The following ERICH1 variants were observed in gnomAD, a reference collection of about 807,000 sequenced individuals.
ERICH1 encodes glutamate-rich protein 1.
A neutral mutation model predicts 39.6 loss-of-function variants in ERICH1; 56 were observed. The observed-to-expected ratio is 1.41, with a 90% CI of 1.14 to 1.77. The LOEUF (loss-of-function observed/expected upper bound fraction) is 1.77. Ranked by LOEUF, ERICH1 falls within the 40% of genes most tolerant of loss-of-function variation. The pLI is 0.00. For missense variants in ERICH1, 826 were observed against 575.4 expected (o/e 1.44, Z -4.45); for synonymous variants, 313 against 223.6 (o/e 1.40, Z -3.57).
chr8:665,175 C>T (rs1801996340), intron 5 of ERICH1, among the ~76,000 whole-genome samples: 1 of 149,804 alleles, frequency 6.7e-6, no homozygotes, highest in Non-Finnish European at 1.5e-5. Context: ...ACACCACAAT[C>T]GCGATGCCAC....
chr8:688,018 C>T (rs1807889319), intron 3 of ERICH1, among the ~76,000 whole-genome samples: 1 of 152,122 alleles, frequency 6.6e-6, no homozygotes, highest in African/African-American at 2.4e-5. Context: ...CCCCAGCTCC[C>T]GCCGAGGCCC....
chr8:631,611 C>A (rs996391198), intron 3 of ERICH1, among the ~76,000 whole-genome samples: 1 of 152,078 alleles, frequency 6.6e-6, no homozygotes, highest in Admixed American at 6.6e-5. Context: ...GGGGCAATGC[C>A]GAGAGTTTTT....
At chr8:691,072 T>G (rs1808788935) in intron 3 of ERICH1, 1 of 152,304 alleles carries the variant, frequency 6.6e-6, no homozygotes, top group South Asian at 2.1e-4. Context: ...AAGGCTGTGC[T>G]TGGGGCTTGC....
downstream of ERICH1, among the ~76,000 whole-genome samples, chr8:663,675 C>T (rs553728238): frequency 3.3e-5 from 5 of 152,208 alleles, no homozygotes; most frequent in South Asian, 1.0e-3. Flanking sequence ...CTAAAATGAG[C>T]TGTATGTATG....
At chr8:679,300 C>A (rs1252387634) in intron 3 of ERICH1, among the ~76,000 whole-genome samples, 1 of 150,244 alleles carries the variant, frequency 6.7e-6, no homozygotes, top group African/African-American at 2.5e-5. Context: ...CAGCAAGTGA[C>A]CCCTCACGGC....
In ERICH1 at chr8:692,562, G is replaced by A; in HGVS notation, c.220C>T (p.Pro74Ser). Reference sequence around the variant, plus strand: ...CAACAGGGGACGTAGCCCTCAGGAGGCCCGCTGGCAGTGTAGAGCCGTCGG... The same window carrying A: ...CAACAGGGGACGTAGCCCTCAGGAGACCCGCTGGCAGTGTAGAGCCGTCGG... ...TARRLYTASG[P>S]PEGYVPCWPE... Residue 74 changes from proline to serine, a missense_variant, in exon 3 of 6, where the codon CCT becomes TCT. Coordinates refer to ENST00000262109, the MANE Select transcript of ERICH1 (RefSeq NM_207332.3). 1 of 1,613,320 alleles carries A rather than the reference G, an allele frequency of 6.2e-7. No homozygotes were observed. Among genetic ancestry groups the A allele is most frequent in the Non-Finnish European group, 8.5e-7 (1 of 1,179,700 alleles).
intron 2 of ERICH1, among the ~76,000 whole-genome samples, chr8:694,336 A>G (rs890512561): frequency 3.9e-5 from 6 of 152,252 alleles, no homozygotes; most frequent in African/African-American, 1.4e-4. Flanking sequence ...TACTGGGTAA[A>G]TCAACATTTG....
At chr8:708,095 C>A (rs1046421408) in intron 2 of ERICH1, among the ~76,000 whole-genome samples, 4 of 151,482 alleles carry the variant, frequency 2.6e-5, no homozygotes, top group Non-Finnish European at 5.9e-5. Context: ...TACCACTTCA[C>A]ACCTCCTAGG....
At chr8:642,011 C>G (rs1325876202) in intron 3 of ERICH1, among the ~76,000 whole-genome samples, 1 of 152,214 alleles carries the variant, frequency 6.6e-6, no homozygotes, top group Non-Finnish European at 1.5e-5. Flanking sequence ...CAGTGGGAGA[C>G]CATGTATGAA....
chr8:691,279 G>C (rs1808839054), intron 3 of ERICH1, among the ~76,000 whole-genome samples: 17 of 152,232 alleles, frequency 1.1e-4, no homozygotes. Flanking sequence ...AGCTTGTGAA[G>C]AGAAATGCCT....
intron 2 of ERICH1, among the ~76,000 whole-genome samples, chr8:699,315 G>A (rs1811119408): frequency 6.6e-6 from 1 of 152,152 alleles, no homozygotes; most frequent in Admixed American, 6.5e-5. Flanking sequence ...CCAGAGGGCT[G>A]GACAGAAGAG....
chr8:627,044 C>G (rs191140316), intron 3 of ERICH1: 2 of 448,446 alleles, frequency 4.5e-6, no homozygotes, highest in Non-Finnish European at 9.0e-6. Context: ...TCTGTCTCCT[C>G]GGAGGGCCAG....
rs181240721 is a variant in ERICH1 at position 719,543 on chromosome 8, C to T, written c.23-3536G>A. On this transcript the variant is annotated intron_variant, in intron 1 of 5. Transcript: ENST00000262109. ...TCTCCCTGCCAAGCGACTCTCTTTC[C>T]TTCATAACCAACAAACACTGTGGAG... Among the ~76,000 whole-genome samples, 194 of 152,318 alleles carry T rather than the reference C, an allele frequency of 1.3e-3. 1 individual carries two copies. Among genetic ancestry groups the T allele is most frequent in the South Asian group, 0.012 (57 of 4,828 alleles).
intron 3 of ERICH1, among the ~76,000 whole-genome samples, chr8:686,917 G>T (rs1207046153): frequency 6.7e-6 from 1 of 149,856 alleles, no homozygotes; most frequent in African/African-American, 2.5e-5. Context: ...TCAGGCCCTT[G>T]AGAGGGTGAG....
chr8:718,068 G>A (rs927535721), intron 1 of ERICH1, among the ~76,000 whole-genome samples: 8 of 152,136 alleles, frequency 5.3e-5, no homozygotes, highest in African/African-American at 1.4e-4. Context: ...GGATCAGAGC[G>A]CACTGAGAAA....
intron 2 of ERICH1, among the ~76,000 whole-genome samples, chr8:708,844 C>A (rs1317212881): frequency 2.6e-5 from 4 of 151,782 alleles, no homozygotes; most frequent in Non-Finnish European, 4.4e-5. Context: ...AGGTGTACAT[C>A]ATCATACCTG....
intron 3 of ERICH1, among the ~76,000 whole-genome samples, chr8:689,658 A>G (rs931459145): frequency 6.6e-6 from 1 of 152,176 alleles, no homozygotes; most frequent in East Asian, 1.9e-4. Context: ...TAAAAATTAC[A>G]TGGCTGGACT....
chr8:715,375 C>A (rs1373158377), intron 2 of ERICH1, among the ~76,000 whole-genome samples: 1 of 152,178 alleles, frequency 6.6e-6, no homozygotes, highest in African/African-American at 2.4e-5. Flanking sequence ...GCTGATGGGA[C>A]TCTCATGGCA....
chr8:616,677 G>C (rs145268692), intron 3 of ERICH1: 8 of 451,226 alleles, frequency 1.8e-5, no homozygotes, highest in South Asian at 3.1e-5. Context: ...CAGAGGCAGA[G>C]GGAGAGGAAG....
Sources: allele counts gnomAD v4.1 joint callset (sites outside exome capture counted in the v4.1 genomes callset), GRCh38; gene constraint gnomAD v4.1.1; transcripts MANE v1.5; gene names NCBI Gene and HGNC (gene_info 2026-07-23, HGNC 2026-07-21).